TENM1: variants seen among roughly 807,000 people sequenced by gnomAD.
The protein encoded by TENM1 is teneurin transmembrane protein 1, also known as teneurin-1.
A neutral mutation model predicts 174.8 loss-of-function variants in TENM1; 35 were observed. That is an observed-to-expected ratio of 0.20 (90% CI 0.15 to 0.27). The LOEUF is 0.27. Among genes scored for constraint, TENM1 ranks in the 10% least tolerant of loss-of-function variants. The probability of loss-of-function intolerance (pLI) is 1.00; values close to 1 mark genes in which losing one functional copy is unlikely to be tolerated. For synonymous variants in TENM1, 781 were observed against 798.7 expected, an observed-to-expected ratio of 0.98 and a Z score of 0.37; for missense variants, 1,633 against 2,130.1, an observed-to-expected ratio of 0.77 and a Z score of 4.59.
intron 3 of TENM1, among the ~76,000 whole-genome samples, chrX:124,860,267 C>T (rs1200052286): frequency 8.9e-6 from 1 of 111,941 alleles, no homozygotes; most frequent in Admixed American, 9.5e-5. Flanking sequence ...CTCAACTGAG[C>T]ACTTAACCCA....
At chrX:125,166,104 T>A in the TENM1 span, among the ~76,000 whole-genome samples, 1 of 111,431 alleles carries the variant, frequency 9.0e-6, no homozygotes, top group Non-Finnish European at 1.9e-5. Flanking sequence ...AATATATGCA[T>A]TGGCTCTTTT....
intron 1 of TENM1, among the ~76,000 whole-genome samples, chrX:124,942,089 T>A (rs1354411129): frequency 2.7e-5 from 3 of 111,793 alleles, no homozygotes; most frequent in Non-Finnish European, 5.6e-5. Flanking sequence ...CAATTCAAGA[T>A]GAGATTTGGG....
At chrX:124,439,242 A>C (rs1307026076) in intron 23 of TENM1, among the ~76,000 whole-genome samples, 1 of 111,667 alleles carries the variant, frequency 9.0e-6, no homozygotes. Flanking sequence ...TATGTACTCT[A>C]ATATTTATTT....
At chrX:125,089,244 A>C in the TENM1 span, among the ~76,000 whole-genome samples, 1 of 111,890 alleles carries the variant, frequency 8.9e-6, no homozygotes, top group Non-Finnish European at 1.9e-5. Context: ...AGTTTTCCCA[A>C]ATTCATTGGT....
chrX:125,132,047 G>A, the TENM1 span, among the ~76,000 whole-genome samples: 2 of 112,154 alleles, frequency 1.8e-5, no homozygotes, highest in African/African-American at 6.5e-5. Flanking sequence ...TTTAATGATC[G>A]ATTATTCCCT....
At chrX:124,432,522 C>T (rs747328311) in intron 23 of TENM1, among the ~76,000 whole-genome samples, 4 of 112,072 alleles carry the variant, frequency 3.6e-5, no homozygotes, top group Non-Finnish European at 7.5e-5. Context: ...AATTCTACTG[C>T]CTAAGCCTCC....
intron 1 of TENM1, among the ~76,000 whole-genome samples, chrX:124,901,134 C>T (rs1314180813): frequency 4.5e-5 from 5 of 110,757 alleles, no homozygotes. Context: ...TACTTTTGTC[C>T]TAGACACATA....
chrX:124,622,681 C>T (rs1327412623), intron 11 of TENM1, among the ~76,000 whole-genome samples: 3 of 109,951 alleles, frequency 2.7e-5, no homozygotes, highest in African/African-American at 6.6e-5. Flanking sequence ...GTTACAGTTT[C>T]GGATGTTTAA....
At chrX:124,609,726 AG>A (rs750805192) in intron 11 of TENM1, among the ~76,000 whole-genome samples, 5 of 111,606 alleles carry the variant, frequency 4.5e-5, no homozygotes, top group Non-Finnish European at 9.4e-5. Context: ...GAGCATACAA[AG>A]GGTTGAGACT....
At chrX:124,921,218 C>T (rs2147678595) in intron 1 of TENM1, among the ~76,000 whole-genome samples, 1 of 109,709 alleles carries the variant, frequency 9.1e-6, no homozygotes, top group South Asian at 3.9e-4. Flanking sequence ...CTCATTATTA[C>T]AATTAAAATA....
At chrX:125,006,236 C>A in the TENM1 span, among the ~76,000 whole-genome samples, 11 of 111,855 alleles carry the variant, frequency 9.8e-5, no homozygotes, top group Admixed American at 2.8e-4. Context: ...CCTGACAGTG[C>A]TAAGGAGACT....
chrX:124,812,274 T>C (rs188340064), intron 3 of TENM1, among the ~76,000 whole-genome samples: 1 of 111,340 alleles, frequency 9.0e-6, no homozygotes, highest in East Asian at 2.8e-4. Context: ...TATAATTTTG[T>C]CTGTCAATTT....
chrX:124,756,791 G>T (rs923465020), intron 3 of TENM1, among the ~76,000 whole-genome samples: 1 of 111,312 alleles, frequency 9.0e-6, no homozygotes, highest in African/African-American at 3.3e-5. Context: ...AGCAGCAGTG[G>T]CTGCAGAACA....
At chrX:124,456,168 G>T (rs2061103830) in intron 22 of TENM1, among the ~76,000 whole-genome samples, 1 of 111,994 alleles carries the variant, frequency 8.9e-6, no homozygotes, top group South Asian at 3.7e-4. Flanking sequence ...TGCCTTCAGG[G>T]CTTGTTCTGC....
intron 3 of TENM1, among the ~76,000 whole-genome samples, chrX:124,843,476 C>T (rs758983166): frequency 1.1e-4 from 12 of 110,706 alleles, no homozygotes; most frequent in Non-Finnish European, 1.9e-4. Flanking sequence ...TTCCCGTTGC[C>T]TCCCCCCCTC....
chrX:124,626,736 A>T (rs2050644742), intron 11 of TENM1, among the ~76,000 whole-genome samples: 1 of 111,878 alleles, frequency 8.9e-6, no homozygotes, highest in Non-Finnish European at 1.9e-5. Flanking sequence ...TTTCTACCAG[A>T]AGTCTTAAGG....
intron 11 of TENM1, among the ~76,000 whole-genome samples, chrX:124,574,170 A>G (rs1376584126): frequency 8.9e-6 from 1 of 112,110 alleles, no homozygotes; most frequent in Non-Finnish European, 1.9e-5. Flanking sequence ...TCAACAATGA[A>G]CAACACTTGT....
At chrX:124,549,178 G>A (rs1215006180) in intron 14 of TENM1, among the ~76,000 whole-genome samples, 1 of 111,847 alleles carries the variant, frequency 8.9e-6, no homozygotes, top group African/African-American at 3.3e-5. Flanking sequence ...CCTCTTATTA[G>A]CACATTATCT....
At chrX:124,940,892 C>A (rs1264256766) in intron 1 of TENM1, among the ~76,000 whole-genome samples, 1 of 111,484 alleles carries the variant, frequency 9.0e-6, no homozygotes, top group African/African-American at 3.3e-5. Flanking sequence ...ATTTTTTCTT[C>A]ATTAGTTCAT....
Sources: allele counts gnomAD v4.1 joint callset (sites outside exome capture counted in the v4.1 genomes callset), GRCh38; gene constraint gnomAD v4.1.1; transcripts MANE v1.5; gene names NCBI Gene and HGNC (gene_info 2026-07-23, HGNC 2026-07-21).